PDGFD: variants seen among roughly 807,000 people sequenced by gnomAD.
PDGFD encodes platelet-derived growth factor D.
Under a neutral mutation model 44.7 loss-of-function variants are expected in PDGFD, and 30 were observed. That is an observed-to-expected ratio of 0.67 (90% CI 0.50 to 0.91). The LOEUF (loss-of-function observed/expected upper bound fraction) is 0.91, where lower values mean the gene tolerates loss of function less well. Among genes scored for constraint, PDGFD ranks in the 40% least tolerant of loss-of-function variants. The pLI is 0.00. For missense variants in PDGFD, 445 were observed against 457.8 expected, an observed-to-expected ratio of 0.97 and a Z score of 0.25; for synonymous variants, 173 against 168.4, an observed-to-expected ratio of 1.03 and a Z score of -0.21.
intron 1 of PDGFD, among the ~76,000 whole-genome samples, chr11:104,145,136 G>A (rs963338290): frequency 6.6e-6 from 1 of 152,198 alleles, no homozygotes; most frequent in African/African-American, 2.4e-5. Flanking sequence ...GAGGGGTTGA[G>A]TAATCCCTAC....
intron 1 of PDGFD, among the ~76,000 whole-genome samples, chr11:104,079,483 G>A (rs534799825): frequency 9.2e-4 from 140 of 152,254 alleles, no homozygotes; most frequent in Admixed American, 3.9e-3. Flanking sequence ...CGGCTCCCGG[G>A]TTCAAGTGAT....
chr11:103,977,713 A>C (rs1859204561), intron 3 of PDGFD, among the ~76,000 whole-genome samples: 1 of 152,156 alleles, frequency 6.6e-6, no homozygotes, highest in African/African-American at 2.4e-5. Flanking sequence ...TGATTAAAAC[A>C]TACCATGTGT....
At chr11:104,044,868 C>A (rs978092466) in intron 1 of PDGFD, among the ~76,000 whole-genome samples, 1 of 152,148 alleles carries the variant, frequency 6.6e-6, no homozygotes, top group Non-Finnish European at 1.5e-5. Flanking sequence ...GAAACCCCAT[C>A]TCTACTAAAA....
chr11:103,927,250 T>A, intron 5 of PDGFD, 124 bp from the exon 6 acceptor site: 1 of 806,876 alleles, frequency 1.2e-6, no homozygotes, highest in Non-Finnish European at 2.0e-6. Context: ...ATTAAATCCA[T>A]CCTCAGGCTC....
chr11:104,082,133 C>CATATATATATATATATATATATATAT (rs981551524), intron 1 of PDGFD, among the ~76,000 whole-genome samples: 9,484 of 115,266 alleles, frequency 0.082, 1,235 homozygotes, highest in African/African-American at 0.15. Flanking sequence ...CATATACATA[C>CATATATATATATATATATATATATAT]ATACATATAT....
At chr11:104,026,500 C>G (rs1860043774) in intron 1 of PDGFD, among the ~76,000 whole-genome samples, 1 of 151,618 alleles carries the variant, frequency 6.6e-6, no homozygotes, top group Non-Finnish European at 1.5e-5. Flanking sequence ...TTTTTTAAAC[C>G]ATGATGCACA....
chr11:103,946,968 C>T (rs1325140963), intron 4 of PDGFD, among the ~76,000 whole-genome samples: 1 of 152,196 alleles, frequency 6.6e-6, no homozygotes, highest in African/African-American at 2.4e-5. Flanking sequence ...CATGGGCAAG[C>T]TTTCTCTATG....
intron 1 of PDGFD, among the ~76,000 whole-genome samples, chr11:104,058,975 G>T (rs1860666075): frequency 6.6e-6 from 1 of 152,218 alleles, no homozygotes; most frequent in African/African-American, 2.4e-5. Context: ...AGAGCATGAG[G>T]ATAGGGGAGG....
In PDGFD at chr11:104,138,115, A is replaced by G. The variant is rs572265689; in HGVS notation, c.124+25689T>C. On this transcript the variant is annotated intron_variant, in intron 1 of 6. Transcript: ENST00000393158. ...TTTTCTGAACACTTTTTTATTATAA[A>G]CAAATGATGTAAATCCATAAGTTGT... Among the ~76,000 whole-genome samples, 7 of 152,250 alleles carry G rather than the reference A, an allele frequency of 4.6e-5. No individual in the cohort carries two copies. The East Asian group carries it at 1.2e-3, about 25-fold the overall frequency.
At chr11:103,998,425 G>A (rs537358685) in intron 2 of PDGFD, among the ~76,000 whole-genome samples, 4 of 152,254 alleles carry the variant, frequency 2.6e-5, no homozygotes, top group Non-Finnish European at 4.4e-5. Context: ...TTAATTAATC[G>A]TGCCTTCACA....
chr11:104,074,941 C>T (rs1501458), intron 1 of PDGFD, among the ~76,000 whole-genome samples: 66,594 of 151,590 alleles, frequency 0.44, 15,508 homozygotes, highest in African/African-American at 0.6. Context: ...AGATAAATAA[C>T]TAAATAATTT....
chr11:104,049,384 CAAAG>C (rs1860490988), intron 1 of PDGFD, among the ~76,000 whole-genome samples: 1 of 152,060 alleles, frequency 6.6e-6, no homozygotes, highest in Admixed American at 6.6e-5. Context: ...GGACGAACGA[CAAAG>C]AGAATGGTTA....
chr11:104,105,090 C>A (rs924099281), intron 1 of PDGFD, among the ~76,000 whole-genome samples: 2 of 152,026 alleles, frequency 1.3e-5, no homozygotes, highest in Non-Finnish European at 2.9e-5. Flanking sequence ...TATAAGTAAC[C>A]CCATTAATGG....
At chr11:104,103,448 A>ATGTGTGTGTGTG (rs377722057) in intron 1 of PDGFD, among the ~76,000 whole-genome samples, 3,402 of 123,018 alleles carry the variant, frequency 0.028, 68 homozygotes, top group East Asian at 0.056. Flanking sequence ...ACAGACAATT[A>ATGTGTGTGTGTG]TGTGTGTGTG....
intron 1 of PDGFD, among the ~76,000 whole-genome samples, chr11:104,129,936 G>A (rs373877754): frequency 2.0e-5 from 3 of 149,516 alleles, no homozygotes; most frequent in South Asian, 4.2e-4. Context: ...TTGAACCAAG[G>A]AGGCAGAGGG....
chr11:104,104,345 T>C (rs1279709699), intron 1 of PDGFD, among the ~76,000 whole-genome samples: 1 of 152,142 alleles, frequency 6.6e-6, no homozygotes, highest in Non-Finnish European at 1.5e-5. Flanking sequence ...ACAGTGTTTA[T>C]AAAGTCTATA....
chr11:104,080,404 CAT>C (rs1299248403), intron 1 of PDGFD, among the ~76,000 whole-genome samples: 7 of 152,164 alleles, frequency 4.6e-5, no homozygotes, highest in African/African-American at 7.2e-5. Context: ...CTTTAAATAT[CAT>C]ATGATTCTTT....
intron 1 of PDGFD, among the ~76,000 whole-genome samples, chr11:104,092,592 C>T (rs1463082195): frequency 6.6e-6 from 1 of 151,998 alleles, no homozygotes; most frequent in Non-Finnish European, 1.5e-5. Context: ...TAAAACATGC[C>T]TCCAGAAAAA....
chr11:104,136,209 A>G (rs10502027), intron 1 of PDGFD, among the ~76,000 whole-genome samples: 19,803 of 152,222 alleles, frequency 0.13, 1,425 homozygotes, highest in East Asian at 0.29. Flanking sequence ...CTTAATCCTT[A>G]GAGACTAGAC....
Sources: gnomAD v4.1 joint callset for allele counts (sites outside exome capture counted in the v4.1 genomes callset) on GRCh38, gnomAD v4.1.1 for gene constraint, MANE v1.5 for transcripts, NCBI Gene and HGNC (gene_info 2026-07-23, HGNC 2026-07-21) for gene names.